ADAMTS3: variants seen among roughly 807,000 people sequenced by gnomAD.
ADAMTS3 encodes the protein A disintegrin and metalloproteinase with thrombospondin motifs 3.
ADAMTS3 carries 73 observed loss-of-function variants against 129.0 expected under a neutral mutation model. The observed-to-expected ratio is 0.57, with a 90% CI of 0.47 to 0.69. The LOEUF is 0.69. Ranked by LOEUF, ADAMTS3 falls within the 30% of genes least tolerant of loss-of-function variation. The pLI is 0.00. For synonymous variants in ADAMTS3, 477 were observed against 510.8 expected, an observed-to-expected ratio of 0.93 and a Z score of 0.89; for missense variants, 1,457 against 1,514.5, an observed-to-expected ratio of 0.96 and a Z score of 0.63.
intron 2 of ADAMTS3, 22 bp downstream of exon 2, chr4:72,567,352 G>A: frequency 1.2e-6 from 2 of 1,611,468 alleles, no homozygotes; most frequent in Non-Finnish European, 1.7e-6. Context: ...AGATAAGAGT[G>A]ACATCTGAGA....
At chr4:72,349,389 T>C (rs1271400546) in intron 4 of ADAMTS3, among the ~76,000 whole-genome samples, 2 of 151,954 alleles carry the variant, frequency 1.3e-5, no homozygotes, top group East Asian at 3.9e-4. Flanking sequence ...CATTTTTACA[T>C]GAAAAAAATG....
chr4:72,365,522 C>T (rs950110036), intron 4 of ADAMTS3, among the ~76,000 whole-genome samples: 1 of 152,164 alleles, frequency 6.6e-6, no homozygotes, highest in Non-Finnish European at 1.5e-5. Context: ...TATATCAGGG[C>T]CACTGCATAC....
intron 4 of ADAMTS3, among the ~76,000 whole-genome samples, chr4:72,349,166 A>T (rs1481771135): frequency 6.6e-6 from 1 of 152,080 alleles, no homozygotes; most frequent in Admixed American, 6.6e-5. Flanking sequence ...AGCTAAACTT[A>T]TCTGAGCTTC....
intron 5 of ADAMTS3, among the ~76,000 whole-genome samples, chr4:72,337,517 T>C (rs747447266): frequency 2.2e-4 from 33 of 152,186 alleles, no homozygotes; most frequent in Non-Finnish European, 2.8e-4. Context: ...TCCTAACTTC[T>C]TGATGAATTA....
Position 72,414,803 on chromosome 4 carries a change from C to T in ADAMTS3, c.661+12G>A, listed in dbSNP as rs746375369. On this transcript the variant is annotated intron_variant, in intron 4 of 21. Transcript: ENST00000286657. ...ATTATATTTCATTATTAAGCTTTGT[C>T]AAGACGCCTACCTCTGTAGTGGAAG... 3 of 1,392,492 alleles carry T rather than the reference C, an allele frequency of 2.2e-6. No individual in the cohort carries two copies. The South Asian group carries it at 5.9e-5, about 28-fold the overall frequency. The allele number at this position is 1,392,492 out of a possible 1,614,324, so 86.3% of individuals were successfully genotyped here. A position where few individuals can be genotyped will look rare whatever the true frequency, so the allele number is the denominator to read the frequency against.
chr4:72,494,521 C>T (rs1719825755), intron 3 of ADAMTS3, among the ~76,000 whole-genome samples: 1 of 152,068 alleles, frequency 6.6e-6, no homozygotes, highest in African/African-American at 2.4e-5. Flanking sequence ...TTTTAGCTAC[C>T]TTAATTTCCT....
chr4:72,320,877 G>GAA lies in ADAMTS3; in HGVS notation c.946-9_946-8dup. On this transcript the variant is annotated splice_polypyrimidine_tract_variant and splice_region_variant and intron_variant, in intron 6 of 21. Coordinates refer to ENST00000286657, the MANE Select transcript of ADAMTS3 (RefSeq NM_014243.3). ...TTTCTATGAGGCTGATGGACTAAGT[G>GAA]AAAACAATATGTTAAAGACACACCT... 6.2e-7 allele frequency: 1 copy of GAA among 1,612,626 alleles called. No homozygotes were observed. The highest frequency in any genetic ancestry group is 2.2e-5 in the East Asian group (1 of 44,822).
At chr4:72,423,386 C>A (rs1291321244) in intron 3 of ADAMTS3, among the ~76,000 whole-genome samples, 1 of 151,908 alleles carries the variant, frequency 6.6e-6, no homozygotes, top group Non-Finnish European at 1.5e-5. Flanking sequence ...TATCATTATA[C>A]CTTAGTGGTA....
intron 4 of ADAMTS3, among the ~76,000 whole-genome samples, chr4:72,354,573 G>T (rs190056540): frequency 6.6e-6 from 1 of 151,850 alleles, no homozygotes; most frequent in Non-Finnish European, 1.5e-5. Flanking sequence ...TAGTCCCTTG[G>T]GCAAATCATT....
chr4:72,283,920 T>C (rs574526384), intron 21 of ADAMTS3, among the ~76,000 whole-genome samples: 6 of 152,328 alleles, frequency 3.9e-5, no homozygotes, highest in Admixed American at 3.3e-4. Context: ...GTGATGATCA[T>C]TATTTTAATA....
chr4:72,318,792 A>C, intron 9 of ADAMTS3, 88 bp from the exon 10 acceptor site: 1 of 1,333,432 alleles, frequency 7.5e-7, no homozygotes, highest in African/African-American at 1.5e-5. Context: ...TAGCTTATAT[A>C]CTTTAGAATT....
chr4:72,477,217 C>A (rs1333701921), intron 3 of ADAMTS3, among the ~76,000 whole-genome samples: 1 of 152,120 alleles, frequency 6.6e-6, no homozygotes, highest in African/African-American at 2.4e-5. Flanking sequence ...GAACACTCCA[C>A]CCCAAATCAA....
chr4:72,463,645 A>T (rs1560525544), intron 3 of ADAMTS3, among the ~76,000 whole-genome samples: 2 of 145,708 alleles, frequency 1.4e-5, no homozygotes, highest in Non-Finnish European at 3.0e-5. Context: ...TTTAGTTGAC[A>T]TTTTTTTACT....
intron 16 of ADAMTS3, among the ~76,000 whole-genome samples, chr4:72,305,233 A>C (rs927923878): frequency 6.6e-5 from 10 of 152,070 alleles, no homozygotes; most frequent in Non-Finnish European, 1.3e-4. Flanking sequence ...AAAAGAAAAA[A>C]AAATCTTCTT....
At position 72,282,894 on chromosome 4, in the gene ADAMTS3, T is replaced by A. The variant is rs950514901; in HGVS notation, c.*242A>T. 5 of 368,218 alleles carry A rather than the reference T, an allele frequency of 1.4e-5. No individual in the cohort carries two copies. The highest frequency in any genetic ancestry group is 2.1e-5 in the African/African-American group (1 of 48,090). 22.8% of individuals were successfully genotyped at this position (368,218 alleles called of 1,614,324 possible). A position where few individuals can be genotyped will look rare whatever the true frequency, so the allele number is the denominator to read the frequency against. ...AGCGACCAACACAATCTTAGCAACA[T>A]ATTTTTCTTTTGTAATAATCTTTGG... On this transcript the variant is annotated 3_prime_UTR_variant, in exon 22 of 22. Coordinates refer to ENST00000286657, the MANE Select transcript of ADAMTS3 (RefSeq NM_014243.3).
Position 72,283,324 on chromosome 4 carries a change from G to A in ADAMTS3, c.3430C>T (p.Leu1144=), listed in dbSNP as rs1403651081. 8.7e-6 allele frequency: 14 copies of A among 1,613,860 alleles called. No individual in the cohort carries two copies. Among genetic ancestry groups the A allele is most frequent in the Non-Finnish European group, 1.2e-5 (14 of 1,179,926 alleles). Residue 1144 remains leucine (L), a synonymous_variant, in exon 22 of 22, where the codon CTG becomes TTG. Coordinates refer to ENST00000286657, the MANE Select transcript of ADAMTS3 (RefSeq NM_014243.3). ...AQQAGSKTVR[L]VTVPSSPPTK... The stretch of plus-strand genomic sequence containing the variant: ...GGTGGGGAGGATGGTACGGTGACCA[G>A]TCTCACAGTCTTACTTCCTGCTTGC...
At chr4:72,359,013 A>G (rs1720653210) in intron 4 of ADAMTS3, among the ~76,000 whole-genome samples, 1 of 151,954 alleles carries the variant, frequency 6.6e-6, no homozygotes, top group African/African-American at 2.4e-5. Context: ...ACATAAACAA[A>G]ACAAAGAAAA....
chr4:72,297,106 C>T (rs572016149), intron 18 of ADAMTS3, among the ~76,000 whole-genome samples: 1 of 152,096 alleles, frequency 6.6e-6, no homozygotes, highest in South Asian at 2.1e-4. Context: ...ATAATTTTAC[C>T]ATTCATTCAT....
intron 4 of ADAMTS3, among the ~76,000 whole-genome samples, chr4:72,348,664 G>T (rs1720350555): frequency 6.6e-6 from 1 of 151,984 alleles, no homozygotes. Context: ...GACATTAAAA[G>T]CAGAGAGCTT....
Sources: gnomAD v4.1 joint callset for allele counts (sites outside exome capture counted in the v4.1 genomes callset) on GRCh38, gnomAD v4.1.1 for gene constraint, MANE v1.5 for transcripts, NCBI Gene and HGNC (gene_info 2026-07-23, HGNC 2026-07-21) for gene names.